EPS15: variants seen among roughly 807,000 people sequenced by gnomAD.
EPS15 encodes the protein epidermal growth factor receptor pathway substrate 15.
EPS15 carries 72 observed loss-of-function variants against 113.8 expected under a neutral mutation model. That is an observed-to-expected ratio of 0.63 (90% CI 0.52 to 0.77). The LOEUF is 0.77. Among genes scored for constraint, EPS15 ranks in the 30% least tolerant of loss-of-function variants. The probability of loss-of-function intolerance (pLI) is 0.00; values close to 1 mark genes in which losing one functional copy is unlikely to be tolerated. For missense variants in EPS15, 1,048 were observed against 1,045.8 expected (o/e 1.00, Z -0.03); for synonymous variants, 344 against 363.4 (o/e 0.95, Z 0.61).
chr1:51,497,252 A>G (rs1004584132), intron 1 of EPS15, among the ~76,000 whole-genome samples: 1 of 152,044 alleles, frequency 6.6e-6, no homozygotes, highest in Non-Finnish European at 1.5e-5. Flanking sequence ...ATCACAACTA[A>G]CTCCTCTAAC....
chr1:51,418,560 G>A (rs899240757), intron 13 of EPS15, among the ~76,000 whole-genome samples: 3 of 152,032 alleles, frequency 2.0e-5, no homozygotes, highest in African/African-American at 7.2e-5. Flanking sequence ...TAGTTAAAGT[G>A]GCAGCAATAG....
intron 1 of EPS15, among the ~76,000 whole-genome samples, chr1:51,494,118 T>C (rs551778343): frequency 6.6e-6 from 1 of 152,302 alleles, no homozygotes; most frequent in African/African-American, 2.4e-5. Flanking sequence ...TTGATCTCTT[T>C]AACTTCAAGA....
At chr1:51,453,765 A>G (rs1653759857) in intron 8 of EPS15, among the ~76,000 whole-genome samples, 1 of 152,132 alleles carries the variant, frequency 6.6e-6, no homozygotes, top group Admixed American at 6.5e-5. Context: ...ACTTTCTCTG[A>G]TATTTTTTCA....
chr1:51,361,667 CA>C (rs1200515753), intron 23 of EPS15, among the ~76,000 whole-genome samples: 1 of 152,016 alleles, frequency 6.6e-6, no homozygotes, highest in African/African-American at 2.4e-5. Context: ...AGCATGTTCC[CA>C]AAAGGAGAGA....
At chr1:51,410,487 T>C (rs1011718007) in intron 13 of EPS15, among the ~76,000 whole-genome samples, 2 of 151,898 alleles carry the variant, frequency 1.3e-5, no homozygotes, top group Non-Finnish European at 2.9e-5. Flanking sequence ...CAGATCTCAG[T>C]GTAGGAAAAG....
intron 14 of EPS15, among the ~76,000 whole-genome samples, chr1:51,409,309 T>C (rs1649460909): frequency 1.3e-5 from 2 of 152,120 alleles, no homozygotes; most frequent in South Asian, 4.1e-4. Flanking sequence ...GGCACCATAT[T>C]TCCAACAAAA....
chr1:51,398,999 T>C (rs763330502), intron 20 of EPS15, 33 bp downstream of exon 20: 3 of 1,594,058 alleles, frequency 1.9e-6, no homozygotes, highest in Non-Finnish European at 2.6e-6. Flanking sequence ...TTATTATCCA[T>C]TTAACTTAAC....
intron 13 of EPS15, among the ~76,000 whole-genome samples, chr1:51,410,675 G>A (rs897976203): frequency 3.9e-5 from 6 of 152,106 alleles, no homozygotes; most frequent in Admixed American, 6.6e-5. Context: ...ATTTCAAAGC[G>A]GGTGAGGTAA....
chr1:51,406,189 T>C (rs551232728), intron 15 of EPS15, 81 bp from the exon 16 acceptor site: 1 of 1,194,664 alleles, frequency 8.4e-7, no homozygotes, highest in African/African-American at 1.5e-5. Context: ...CTCCACTTCC[T>C]GACGGGCTAG....
chr1:51,494,310 T>C (rs964178709), intron 1 of EPS15, among the ~76,000 whole-genome samples: 1 of 152,210 alleles, frequency 6.6e-6, no homozygotes, highest in Non-Finnish European at 1.5e-5. Flanking sequence ...TATAATCCTT[T>C]GACCTCTATA....
intron 1 of EPS15, among the ~76,000 whole-genome samples, chr1:51,504,278 C>T (rs1231718952): frequency 6.6e-6 from 1 of 151,934 alleles, no homozygotes; most frequent in African/African-American, 2.4e-5. Context: ...GGCAAGGTGG[C>T]GTGCACTTGT....
intron 1 of EPS15, among the ~76,000 whole-genome samples, chr1:51,504,170 T>C (rs1644458883): frequency 6.6e-6 from 1 of 152,108 alleles, no homozygotes; most frequent in Non-Finnish European, 1.5e-5. Context: ...CCCAGCACTC[T>C]GGGAGGCGAA....
At chr1:51,458,493 T>C (rs750496381) in intron 8 of EPS15, 17 of 431,424 alleles carry the variant, frequency 3.9e-5, no homozygotes, top group South Asian at 2.2e-4. Flanking sequence ...TCCCGGCACT[T>C]TGGGAGGCCG....
intron 8 of EPS15, 73 bp from the exon 9 acceptor site, chr1:51,448,208 C>A: frequency 1.2e-6 from 1 of 845,694 alleles, no homozygotes. Context: ...GATTATTGTT[C>A]AATGATAAAT....
Position 51,461,151 on chromosome 1 carries a change from CT to C in EPS15, c.502-2del. 2 of 1,592,484 alleles carry C rather than the reference CT, an allele frequency of 1.3e-6. No individual in the cohort carries two copies. Among genetic ancestry groups the C allele is most frequent in the Non-Finnish European group, 1.7e-6 (2 of 1,160,660 alleles). On this transcript the variant is annotated splice_acceptor_variant, in intron 7 of 24. Coordinates refer to ENST00000371733, the MANE Select transcript of EPS15 (RefSeq NM_001981.3). LOFTEE classifies it high-confidence loss of function. ...GGTCAATATCACTCAACTCCCAAAC[CT>C]TAAAAAGAGAATAATTGAAAAAAGA... is the stretch of plus-strand genomic sequence containing the variant.
chr1:51,380,029 C>T (rs1166386230), intron 21 of EPS15, among the ~76,000 whole-genome samples: 1 of 150,598 alleles, frequency 6.6e-6, no homozygotes, highest in Non-Finnish European at 1.5e-5. Flanking sequence ...CCACTGCATT[C>T]CAGCCTGGAG....
At position 51,445,774 on chromosome 1, in the gene EPS15, C is replaced by T. The variant is rs1388335497; in HGVS notation, c.798-729G>A. The stretch of plus-strand genomic sequence containing the variant: ...TAGATCTTAAATTCCAGCTTTTCTA[C>T]TTATTTCTTCTTATAACCTTGGCTA... On this transcript the variant is annotated intron_variant, in intron 10 of 24. Transcript: ENST00000371733. Among the ~76,000 whole-genome samples, 5 of 152,158 alleles carry T rather than the reference C, an allele frequency of 3.3e-5. No homozygotes were observed. The East Asian group carries it at 9.6e-4, about 29-fold the overall frequency.
chr1:51,461,941 T>C (rs1654482475), intron 7 of EPS15: 1 of 152,206 alleles, frequency 6.6e-6, no homozygotes, highest in Non-Finnish European at 1.5e-5. Context: ...TTCTATAAGC[T>C]GGGAATTATG....
intron 1 of EPS15, among the ~76,000 whole-genome samples, chr1:51,510,820 CT>C (rs1375200386): frequency 1.3e-5 from 2 of 152,094 alleles, no homozygotes; most frequent in African/African-American, 4.8e-5. Flanking sequence ...ACTCTTTCCC[CT>C]GTCCTCACCC....
Sources: gnomAD v4.1 joint callset for allele counts (sites outside exome capture counted in the v4.1 genomes callset) on GRCh38, gnomAD v4.1.1 for gene constraint, MANE v1.5 for transcripts, NCBI Gene and HGNC (gene_info 2026-07-23, HGNC 2026-07-21) for gene names.